The following TAFA1 variants were observed in gnomAD, a reference collection of about 807,000 sequenced individuals.
TAFA1 encodes the protein TAFA chemokine like family member 1, also known as chemokine-like protein TAFA-1.
TAFA1 carries 4 observed loss-of-function variants against 18.5 expected under a neutral mutation model. The observed-to-expected ratio is 0.22, with a 90% confidence interval of 0.11 to 0.49. TAFA1 has a LOEUF of 0.49. Ranked by LOEUF, TAFA1 falls within the 20% of genes least tolerant of loss-of-function variation. The pLI is 0.98. For synonymous variants in TAFA1, 56 were observed against 55.2 expected, an observed-to-expected ratio of 1.01 and a Z score of -0.06; for missense variants, 147 against 169.0, an observed-to-expected ratio of 0.87 and a Z score of 0.72.
At chr3:68,495,998 CAAAAAAAAAAAA>C (rs199520960) in intron 3 of TAFA1, among the ~76,000 whole-genome samples, 1,596 of 107,582 alleles carry the variant, frequency 0.015, 15 homozygotes, top group Non-Finnish European at 0.023. Flanking sequence ...TTCCCTGAAG[CAAAAAAAAAAAA>C]AAAAAAAAAA....
intron 2 of TAFA1, among the ~76,000 whole-genome samples, chr3:68,177,881 A>G (rs1268981978): frequency 6.6e-6 from 1 of 152,168 alleles, no homozygotes; most frequent in Non-Finnish European, 1.5e-5. Flanking sequence ...ATGGTGGCTC[A>G]CGCCTGTAAT....
intron 2 of TAFA1, among the ~76,000 whole-genome samples, chr3:68,099,718 T>A (rs2106814514): frequency 6.6e-6 from 1 of 152,194 alleles, no homozygotes; most frequent in South Asian, 2.1e-4. Context: ...GCAGCACTAT[T>A]CATAATAGCA....
At chr3:68,349,727 G>T (rs932794767) in intron 2 of TAFA1, among the ~76,000 whole-genome samples, 4 of 152,174 alleles carry the variant, frequency 2.6e-5, no homozygotes, top group African/African-American at 9.6e-5. Flanking sequence ...GGGTGTGGCT[G>T]TGTTTCAATA....
chr3:68,507,705 C>T (rs1054948597), intron 3 of TAFA1, among the ~76,000 whole-genome samples: 1 of 152,084 alleles, frequency 6.6e-6, no homozygotes, highest in African/African-American at 2.4e-5. Flanking sequence ...TAGCATATCT[C>T]ACTGTATGAT....
intron 3 of TAFA1, among the ~76,000 whole-genome samples, chr3:68,530,811 T>C (rs114869924): frequency 1.7e-3 from 253 of 152,306 alleles, no homozygotes; most frequent in Non-Finnish European, 2.9e-3. Context: ...GAATTTTTTT[T>C]AAAGCTAACT....
At chr3:68,361,592 A>G (rs1342910080) in intron 2 of TAFA1, among the ~76,000 whole-genome samples, 1 of 151,924 alleles carries the variant, frequency 6.6e-6, no homozygotes, top group African/African-American at 2.4e-5. Flanking sequence ...TAACAAATAC[A>G]TGTCCCCCCT....
the TAFA1 span, among the ~76,000 whole-genome samples, chr3:67,995,189 C>T: frequency 6.6e-6 from 1 of 152,184 alleles, no homozygotes; most frequent in African/African-American, 2.4e-5. Flanking sequence ...TAGTTGACAA[C>T]TAAATAACAA....
At chr3:68,513,115 G>T (rs565835648) in intron 3 of TAFA1, among the ~76,000 whole-genome samples, 1 of 152,024 alleles carries the variant, frequency 6.6e-6, no homozygotes, top group Non-Finnish European at 1.5e-5. Flanking sequence ...CAATGCCCAG[G>T]TTTTTTTATG....
chr3:68,421,927 C>A (rs1173334467), intron 3 of TAFA1, among the ~76,000 whole-genome samples: 1 of 152,002 alleles, frequency 6.6e-6, no homozygotes, highest in East Asian at 1.9e-4. Flanking sequence ...CTGGATATTA[C>A]TAATACTGGT....
chr3:68,496,657 G>A (rs952698905), intron 3 of TAFA1, among the ~76,000 whole-genome samples: 1 of 152,142 alleles, frequency 6.6e-6, no homozygotes, highest in African/African-American at 2.4e-5. Flanking sequence ...AAAGATAACT[G>A]GAACAGATGT....
At chr3:68,387,167 C>G (rs1346064925) in intron 2 of TAFA1, among the ~76,000 whole-genome samples, 1 of 151,594 alleles carries the variant, frequency 6.6e-6, no homozygotes, top group East Asian at 1.9e-4. Context: ...AAAAATCTGT[C>G]TTTGTTGTTG....
chr3:68,405,699 CAAAAAAAAAAAAAAAAAAAAAAAA>C (rs56258198), intron 2 of TAFA1, among the ~76,000 whole-genome samples: 57 of 32,890 alleles, frequency 1.7e-3, no homozygotes, highest in South Asian at 3.5e-3. Context: ...GACTCTATCT[CAAAAAAAAAAAAAAAAAAAAAAAA>C]AAAAAAAAAA....
chr3:68,382,043 G>T (rs556961837), intron 2 of TAFA1, among the ~76,000 whole-genome samples: 30 of 152,202 alleles, frequency 2.0e-4, no homozygotes, highest in Admixed American at 1.7e-3. Flanking sequence ...TAATCATGTG[G>T]TTTTTGTCTT....
chr3:68,306,518 GTA>G (rs1254622690), intron 2 of TAFA1, among the ~76,000 whole-genome samples: 6 of 150,692 alleles, frequency 4.0e-5, no homozygotes, highest in Non-Finnish European at 7.4e-5. Flanking sequence ...GTGTGTGTGT[GTA>G]TGTTTAAATT....
At chr3:68,352,648 A>G (rs1272583560) in intron 2 of TAFA1, among the ~76,000 whole-genome samples, 1 of 152,038 alleles carries the variant, frequency 6.6e-6, no homozygotes. Flanking sequence ...GCTCAATAAT[A>G]TTTATGTCAG....
chr3:68,425,066 A>G (rs150942802), intron 3 of TAFA1, among the ~76,000 whole-genome samples: 56 of 152,114 alleles, frequency 3.7e-4, no homozygotes, highest in Admixed American at 7.2e-4. Flanking sequence ...TGTGATTTAT[A>G]GTATCTCAGT....
intron 2 of TAFA1, among the ~76,000 whole-genome samples, chr3:68,106,634 G>T (rs2065208035): frequency 6.6e-6 from 1 of 152,096 alleles, no homozygotes; most frequent in South Asian, 2.1e-4. Context: ...AAAATACACT[G>T]TTAAGAAAGT....
chr3:68,045,482 T>G (rs377643085), intron 2 of TAFA1, among the ~76,000 whole-genome samples: 1 of 152,132 alleles, frequency 6.6e-6, no homozygotes, highest in Admixed American at 6.5e-5. Flanking sequence ...AGTCAGGAAA[T>G]GTGGGCTCTT....
Position 68,438,025 on chromosome 3 carries a change from C to G in TAFA1, c.259+20605C>G, listed in dbSNP as rs961036609. The stretch of plus-strand genomic sequence containing the variant: ...GGCTAGAAGAAAGGAGTAACAGGCC[C>G]CAAGCAAGTCCAAAACCCAAGAGCA... On this transcript the variant is annotated intron_variant, in intron 3 of 4. Transcript: ENST00000478136. Among the ~76,000 whole-genome samples, 71 of 152,036 alleles carry G rather than the reference C, an allele frequency of 4.7e-4. 1 individual carries two copies. Among genetic ancestry groups the G allele is most frequent in the Non-Finnish European group, 7.4e-5 (5 of 68,012 alleles).
Sources: gnomAD v4.1 joint callset for allele counts (sites outside exome capture counted in the v4.1 genomes callset) on GRCh38, gnomAD v4.1.1 for gene constraint, MANE v1.5 for transcripts, NCBI Gene and HGNC (gene_info 2026-07-23, HGNC 2026-07-21) for gene names.